ANKRD30B: variants seen among roughly 807,000 people sequenced by gnomAD.
ANKRD30B encodes the protein ankyrin repeat domain 30B.
A neutral mutation model predicts 202.2 loss-of-function variants in ANKRD30B; 144 were observed. The observed-to-expected ratio is 0.71, with a 90% CI of 0.62 to 0.82. The LOEUF (loss-of-function observed/expected upper bound fraction) is 0.82, where lower values mean the gene tolerates loss of function less well. Ranked by LOEUF, ANKRD30B falls within the 40% of genes least tolerant of loss-of-function variation. The pLI is 0.00. For missense variants in ANKRD30B, 1,487 were observed against 1,669.1 expected (o/e 0.89, Z 1.90); for synonymous variants, 508 against 561.3 (o/e 0.91, Z 1.34).
chr18:14,764,883 C>G (rs1168086078), intron 7 of ANKRD30B, among the ~76,000 whole-genome samples: 4 of 152,084 alleles, frequency 2.6e-5, no homozygotes, highest in Admixed American at 2.6e-4. Flanking sequence ...AAGCCAGTCA[C>G]TAGGAAAGCA....
chr18:14,828,675 A>G (rs1489365139), intron 33 of ANKRD30B, among the ~76,000 whole-genome samples: 2 of 152,218 alleles, frequency 1.3e-5, no homozygotes, highest in Admixed American at 1.3e-4. Flanking sequence ...GATGGGATCA[A>G]TTCACAAAGT....
chr18:14,888,170 T>G, the ANKRD30B span, among the ~76,000 whole-genome samples: 1 of 152,096 alleles, frequency 6.6e-6, no homozygotes, highest in Non-Finnish European at 1.5e-5. Context: ...GAGAATATTC[T>G]TTTTTTCTGA....
the ANKRD30B span, among the ~76,000 whole-genome samples, chr18:14,869,950 C>T: frequency 1.3e-5 from 2 of 151,406 alleles, no homozygotes; most frequent in African/African-American, 4.8e-5. Flanking sequence ...TTTCTCCTGC[C>T]TCAGCCTCCT....
intron 6 of ANKRD30B, among the ~76,000 whole-genome samples, chr18:14,761,127 T>C (rs1325775408): frequency 6.6e-6 from 1 of 152,174 alleles, no homozygotes. Flanking sequence ...CCACAAAGAA[T>C]TGAACATCTA....
At chr18:14,758,005 G>C (rs1357671580) in intron 5 of ANKRD30B, 53 bp downstream of exon 5, 1 of 1,518,052 alleles carries the variant, frequency 6.6e-7, no homozygotes, top group Non-Finnish European at 8.8e-7. Flanking sequence ...GTTTCAGGGA[G>C]TTTTTGAAAG....
At chr18:14,755,446 T>C (rs183100361) in intron 4 of ANKRD30B, among the ~76,000 whole-genome samples, 1,637 of 152,226 alleles carry the variant, frequency 0.011, 30 homozygotes, top group African/African-American at 0.034. Context: ...ATGTGCACAT[T>C]GTGCAGGTTT....
the ANKRD30B span, among the ~76,000 whole-genome samples, chr18:14,879,845 GCTGA>G: frequency 1.3e-5 from 2 of 152,070 alleles, no homozygotes; most frequent in Admixed American, 6.5e-5. Flanking sequence ...TGTCTACTCT[GCTGA>G]CTGTTTCCTT....
intron 14 of ANKRD30B, among the ~76,000 whole-genome samples, chr18:14,784,937 C>T (rs1220904092): frequency 6.6e-6 from 1 of 152,040 alleles, no homozygotes; most frequent in East Asian, 1.9e-4. Context: ...ATATTAATTA[C>T]CTCATTTCCG....
chr18:14,907,791 C>A, the ANKRD30B span, among the ~76,000 whole-genome samples: 2 of 152,282 alleles, frequency 1.3e-5, no homozygotes, highest in Non-Finnish European at 2.9e-5. Context: ...CCCTACCTCA[C>A]AGTTACTGAA....
At chr18:14,870,861 C>T in the ANKRD30B span, among the ~76,000 whole-genome samples, 1 of 152,106 alleles carries the variant, frequency 6.6e-6, no homozygotes, top group Non-Finnish European at 1.5e-5. Context: ...CTGACACAGC[C>T]CACCTGCCTG....
rs185717311 is a variant in ANKRD30B at position 14,809,695 on chromosome 18, G to T, written c.2387-291G>T. ...TGCAGGGGGAAACACATCACGCGCT[G>T]TTGGCTCATTCTGGCAGTCCAACCT... is the stretch of plus-strand genomic sequence containing the variant. On this transcript the variant is annotated intron_variant, in intron 26 of 43. Transcript: ENST00000690538. 5.2e-4 allele frequency among the ~76,000 whole-genome samples: 78 copies of T among 151,132 alleles called. 3 individuals are homozygous for T. Among genetic ancestry groups the T allele is most frequent in the African/African-American group, 1.8e-3 (74 of 40,972 alleles).
chr18:14,808,799 A>T (rs1460524327), intron 26 of ANKRD30B, 55 bp downstream of exon 26: 3 of 1,404,080 alleles, frequency 2.1e-6, no homozygotes, highest in Non-Finnish European at 2.9e-6. Flanking sequence ...AACTATTTGA[A>T]ATGCCAAGAG....
intron 32 of ANKRD30B, among the ~76,000 whole-genome samples, chr18:14,824,045 A>G (rs1037414406): frequency 6.6e-6 from 1 of 152,134 alleles, no homozygotes; most frequent in African/African-American, 2.4e-5. Flanking sequence ...TATGTCTAGA[A>G]TTTGTTTTCA....
chr18:14,917,043 A>T, the ANKRD30B span, among the ~76,000 whole-genome samples: 2 of 152,144 alleles, frequency 1.3e-5, no homozygotes. Flanking sequence ...TGAGAGACAC[A>T]CAGAGGATAT....
In ANKRD30B at chr18:14,791,496, G is replaced by T. The variant is rs779207148; in HGVS notation, c.1825+5G>T. 2 of 1,600,422 alleles carry T rather than the reference G, an allele frequency of 1.2e-6. No homozygotes were observed. The highest frequency in any genetic ancestry group is 2.2e-5 in the South Asian group (2 of 89,326). ...CCTTAAGTGGAAAATTAGAAGGTAA[G>T]AACCATTTTTTAATTAAAAAGTCAT... is the stretch of plus-strand genomic sequence containing the variant. On this transcript the variant is annotated splice_donor_5th_base_variant and intron_variant, in intron 16 of 43. Transcript: ENST00000690538.
the ANKRD30B span, among the ~76,000 whole-genome samples, chr18:14,860,644 T>G: frequency 0.015 from 2,200 of 151,242 alleles, 60 homozygotes; most frequent in African/African-American, 0.051. Flanking sequence ...GCAGAAACCC[T>G]GCAACCTAGA....
At chr18:14,840,045 C>T (rs1971350984) in intron 36 of ANKRD30B, among the ~76,000 whole-genome samples, 2 of 152,046 alleles carry the variant, frequency 1.3e-5, no homozygotes, top group Non-Finnish European at 2.9e-5. Flanking sequence ...TTTCCTTGCT[C>T]AGTAACCTAG....
the ANKRD30B span, among the ~76,000 whole-genome samples, chr18:14,897,641 A>G: frequency 6.6e-6 from 1 of 152,186 alleles, no homozygotes; most frequent in Non-Finnish European, 1.5e-5. Flanking sequence ...TGTATATTTT[A>G]TTTTCAAATT....
At chr18:14,934,782 G>A in the ANKRD30B span, among the ~76,000 whole-genome samples, 1 of 152,114 alleles carries the variant, frequency 6.6e-6, no homozygotes, top group African/African-American at 2.4e-5. Flanking sequence ...AAGGCATCTG[G>A]GAGCAGTCAT....
Sources: allele counts gnomAD v4.1 joint callset (sites outside exome capture counted in the v4.1 genomes callset), GRCh38; gene constraint gnomAD v4.1.1; transcripts MANE v1.5; gene names NCBI Gene and HGNC (gene_info 2026-07-23, HGNC 2026-07-21).